TRIM44: variants seen among roughly 807,000 people sequenced by gnomAD.
TRIM44 encodes tripartite motif-containing protein 44.
TRIM44 carries 13 observed loss-of-function variants against 37.4 expected under a neutral mutation model. The observed-to-expected ratio is 0.35, with a 90% CI of 0.23 to 0.55. The LOEUF is 0.55. Ranked by LOEUF, TRIM44 falls within the 20% of genes least tolerant of loss-of-function variation. The probability of loss-of-function intolerance (pLI) is 0.89; values close to 1 mark genes in which losing one functional copy is unlikely to be tolerated. For synonymous variants in TRIM44, 175 were observed against 157.2 expected (o/e 1.11, Z -0.85); for missense variants, 426 against 437.2 (o/e 0.97, Z 0.23).
intron 1 of TRIM44, among the ~76,000 whole-genome samples, chr11:35,683,541 A>G (rs1851542406): frequency 6.6e-6 from 1 of 152,178 alleles, no homozygotes; most frequent in Non-Finnish European, 1.5e-5. Context: ...ACAGATCCAG[A>G]GGCCAATTTT....
At chr11:35,697,170 C>T (rs999229344) in intron 2 of TRIM44, among the ~76,000 whole-genome samples, 6 of 132,976 alleles carry the variant, frequency 4.5e-5, no homozygotes, top group African/African-American at 1.1e-4. Context: ...CCCATTAACT[C>T]GTCATTTAGC....
At chr11:35,805,782 G>T (rs1330882827) in intron 4 of TRIM44, among the ~76,000 whole-genome samples, 1 of 151,464 alleles carries the variant, frequency 6.6e-6, no homozygotes, top group African/African-American at 2.5e-5. Context: ...ATGTGATAAG[G>T]CCTATGACAG....
rs938357117 is a variant in TRIM44, at chr11:35,816,333, C to T, written c.*9948C>T. 1 of 152,186 alleles carries T rather than the reference C, an allele frequency of 6.6e-6. No homozygotes were observed. The highest frequency in any genetic ancestry group is 6.5e-5 in the Admixed American group (1 of 15,280). 9.4% of individuals were successfully genotyped at this position (152,186 alleles called of 1,614,324 possible). A position where few individuals can be genotyped will look rare whatever the true frequency, so the allele number is the denominator to read the frequency against. On this transcript the variant is annotated 3_prime_UTR_variant, in exon 5 of 5. Transcript: ENST00000299413. ...GTGCGTATCCATCCTCTTCCCAACT[C>T]AGCTCCAAAACCACACACAATGTCT...
Position 35,663,794 on chromosome 11 carries a change from C to A in TRIM44, c.669+14C>A, listed in dbSNP as rs368767484. On this transcript the variant is annotated intron_variant, in intron 1 of 4. Transcript: ENST00000299413. ...GAAGAATTAAGAGTAAGTATTGGGCCTTCAGAGCATAAACCTAGGGGTCAG... is the reference window on the plus strand; with the variant it reads ...GAAGAATTAAGAGTAAGTATTGGGCATTCAGAGCATAAACCTAGGGGTCAG... The A allele has an allele frequency of 2.8e-5, 45 of 1,606,960 alleles. No individual in the cohort carries two copies. Among genetic ancestry groups the A allele is most frequent in the Non-Finnish European group, 3.8e-5 (45 of 1,176,976 alleles).
chr11:35,691,908 G>A lies in TRIM44; in HGVS notation c.747+6572G>A, dbSNP rs540216027. 2.1e-4 allele frequency among the ~76,000 whole-genome samples: 32 copies of A among 152,282 alleles called. No homozygotes were observed. In the East Asian group the frequency reaches 5.0e-3, roughly 24 times the overall value. On this transcript the variant is annotated intron_variant, in intron 2 of 4. Coordinates refer to ENST00000299413, the MANE Select transcript of TRIM44 (RefSeq NM_017583.6). ...GATCCACCTGTCTTGGCCTCCCAAA[G>A]TGCTGGGATTACAGGCGTGAGCCAC...
intron 4 of TRIM44, among the ~76,000 whole-genome samples, chr11:35,743,171 G>T (rs1852436106): frequency 6.6e-6 from 1 of 152,126 alleles, no homozygotes. Context: ...CTCAAGGAGT[G>T]AAAACACATG....
rs1159830563 is a variant in TRIM44, at chr11:35,817,706, C to G, written c.*11321C>G. ...CCAAATCTCATGTTGAAATGTAATC[C>G]CCAATGCTGGAGGTGGGACCTGGTG... On this transcript the variant is annotated 3_prime_UTR_variant, in exon 5 of 5. Transcript: ENST00000299413. The G allele has an allele frequency of 6.6e-6, 1 of 152,138 alleles. No homozygotes were observed. The highest frequency in any genetic ancestry group is 1.5e-5 in the Non-Finnish European group (1 of 68,038). The allele number at this position is 152,138 out of a possible 1,614,324, so 9.4% of individuals were successfully genotyped here. A position where few individuals can be genotyped will look rare whatever the true frequency, so the allele number is the denominator to read the frequency against.
chr11:35,696,825 C>T (rs1338041952), intron 2 of TRIM44, among the ~76,000 whole-genome samples: 1 of 146,672 alleles, frequency 6.8e-6, no homozygotes, highest in Non-Finnish European at 1.5e-5. Flanking sequence ...CCAGCCTGAG[C>T]AACAAGAGTG....
chr11:35,804,224 C>G lies in TRIM44; in HGVS notation c.1008-2134C>G, dbSNP rs987374539. On this transcript the variant is annotated intron_variant, in intron 4 of 4. Transcript: ENST00000299413. The stretch of plus-strand genomic sequence containing the variant: ...GTGAGATAAATTTCAGGCCCAAGAA[C>G]ACGTCTCTTTTAGGTTAACGAGAAA... Among the ~76,000 whole-genome samples the G allele has an allele frequency of 3.3e-5, 5 of 152,258 alleles. No individual in the cohort carries two copies. In the East Asian group the frequency reaches 9.6e-4, roughly 29 times the overall value.
intron 4 of TRIM44, among the ~76,000 whole-genome samples, chr11:35,768,627 T>C (rs1290983399): frequency 3.9e-5 from 6 of 152,238 alleles, no homozygotes; most frequent in African/African-American, 9.6e-5. Context: ...TTATATTTAG[T>C]TGCAACAAGT....
At chr11:35,762,483 G>C (rs967445838) in intron 4 of TRIM44, among the ~76,000 whole-genome samples, 4 of 152,146 alleles carry the variant, frequency 2.6e-5, no homozygotes, top group African/African-American at 9.7e-5. Context: ...CCTTGAGCCA[G>C]GTACAGTCGG....
At position 35,755,588 on chromosome 11, in the gene TRIM44, A is replaced by G. The variant is rs1030237356; in HGVS notation, c.1007+20143A>G. Among the ~76,000 whole-genome samples the G allele has an allele frequency of 1.1e-3, 161 of 152,206 alleles. 1 individual carries two copies. The highest frequency in any genetic ancestry group is 1.9e-4 in the Non-Finnish European group (13 of 68,000). The stretch of plus-strand genomic sequence containing the variant: ...ACATGAAGTCCTTGCCCATGCCTAT[A>G]TCCTGAATGGTAATGCCTAGGTTTT... On this transcript the variant is annotated intron_variant, in intron 4 of 4. Transcript: ENST00000299413.
chr11:35,686,362 G>GT (rs201740615), intron 2 of TRIM44, among the ~76,000 whole-genome samples: 2,147 of 143,198 alleles, frequency 0.015, 51 homozygotes, highest in East Asian at 0.078. Flanking sequence ...GGTTCTTTTT[G>GT]TTTTTGTTTT....
rs780155538 is a variant in TRIM44, at chr11:35,764,101, CTT to C, written c.1007+28659_1007+28660del. ...TTCTCAAGGGCATGCTTCTTCCTCT[CTT>C]TTATCTCTTGCTTGCTCCTTCTCAT... On this transcript the variant is annotated intron_variant, in intron 4 of 4. Transcript: ENST00000299413. Among the ~76,000 whole-genome samples the C allele has an allele frequency of 3.3e-5, 5 of 152,290 alleles. No individual in the cohort carries two copies. In the South Asian group the frequency reaches 1.0e-3, roughly 32 times the overall value.
At chr11:35,685,189 C>T (rs1411720430) in intron 1 of TRIM44, 70 bp from the exon 2 acceptor site, 4 of 1,331,884 alleles carry the variant, frequency 3.0e-6, no homozygotes, top group Non-Finnish European at 4.3e-6. Context: ...CATTGTCTTC[C>T]AAAATGCTGT....
Position 35,798,781 on chromosome 11 carries a change from T to TGAG in TRIM44, c.1008-7576_1008-7574dup, listed in dbSNP as rs1853327608. 2.0e-5 allele frequency among the ~76,000 whole-genome samples: 3 copies of TGAG among 152,216 alleles called. No homozygotes were observed. The South Asian group carries it at 6.2e-4, about 32-fold the overall frequency. On this transcript the variant is annotated intron_variant, in intron 4 of 4. Coordinates refer to ENST00000299413, the MANE Select transcript of TRIM44 (RefSeq NM_017583.6). ...TGATATGACATTCATGATTGATAACTGAGTGGAAAAAGCAGACTGTGAAGG... is the reference window on the plus strand; with the variant it reads ...TGATATGACATTCATGATTGATAACTGAGGAGTGGAAAAAGCAGACTGTGAAGG...
At chr11:35,769,093 C>T (rs1852833469) in intron 4 of TRIM44, among the ~76,000 whole-genome samples, 1 of 152,176 alleles carries the variant, frequency 6.6e-6, no homozygotes, top group African/African-American at 2.4e-5. Context: ...CTTAGATGAA[C>T]CACGTGCTTT....
At chr11:35,700,076 C>G (rs1280358240) in intron 2 of TRIM44, among the ~76,000 whole-genome samples, 2 of 152,160 alleles carry the variant, frequency 1.3e-5, no homozygotes, top group Non-Finnish European at 2.9e-5. Context: ...CAATGACTTT[C>G]TTCACAGAAC....
chr11:35,743,785 C>T (rs1486338340), intron 4 of TRIM44, among the ~76,000 whole-genome samples: 1 of 152,114 alleles, frequency 6.6e-6, no homozygotes, highest in African/African-American at 2.4e-5. Context: ...AACACTGCAG[C>T]AAATTTTATG....
Sources: gnomAD v4.1 joint callset for allele counts (sites outside exome capture counted in the v4.1 genomes callset) on GRCh38, gnomAD v4.1.1 for gene constraint, MANE v1.5 for transcripts, NCBI Gene and HGNC (gene_info 2026-07-23, HGNC 2026-07-21) for gene names.